UBXN4: variants seen among roughly 807,000 people sequenced by gnomAD.
The protein encoded by UBXN4 is UBX domain protein 4.
UBXN4 carries 35 observed loss-of-function variants against 66.2 expected under a neutral mutation model. The observed-to-expected ratio is 0.53, with a 90% CI of 0.40 to 0.70. UBXN4 has a LOEUF of 0.70. Ranked by LOEUF, UBXN4 falls within the 30% of genes least tolerant of loss-of-function variation. The pLI, the probability that UBXN4 is intolerant of heterozygous loss-of-function variation, is 0.00. For missense variants in UBXN4, 533 were observed against 599.8 expected, an observed-to-expected ratio of 0.89 and a Z score of 1.16; for synonymous variants, 203 against 204.5, an observed-to-expected ratio of 0.99 and a Z score of 0.06.
At chr2:135,750,829 G>C (rs1263615186) in intron 2 of UBXN4, among the ~76,000 whole-genome samples, 1 of 131,482 alleles carries the variant, frequency 7.6e-6, no homozygotes, top group African/African-American at 3.0e-5. Flanking sequence ...AGACTGATGT[G>C]TCTGGCTTTT....
At chr2:135,772,692 C>T (rs1272352567) in intron 9 of UBXN4, 145 bp downstream of exon 9, 16 of 1,065,402 alleles carry the variant, frequency 1.5e-5, no homozygotes, top group Non-Finnish European at 2.1e-5. Context: ...CCAATGGTAT[C>T]TCTCATTTCG....
At position 135,778,938 on chromosome 2, in the gene UBXN4, T is replaced by C; in HGVS notation, c.1054-10T>C. The stretch of plus-strand genomic sequence containing the variant: ...AGGCACTCTTTAAGTTTTTAAAACT[T>C]ATTTTACAGACTGTTGGCAACACTT... On this transcript the variant is annotated splice_polypyrimidine_tract_variant and intron_variant, in intron 10 of 12. Transcript: ENST00000272638. The C allele has an allele frequency of 6.3e-7, 1 of 1,597,170 alleles. No homozygotes were observed. Among genetic ancestry groups the C allele is most frequent in the Non-Finnish European group, 8.5e-7 (1 of 1,173,262 alleles).
chr2:135,770,112 CA>C (rs2077374057), intron 7 of UBXN4, among the ~76,000 whole-genome samples: 1 of 152,044 alleles, frequency 6.6e-6, no homozygotes, highest in South Asian at 2.1e-4. Flanking sequence ...TGAGGTTGAA[CA>C]AAGTTTTAGT....
intron 2 of UBXN4, among the ~76,000 whole-genome samples, chr2:135,751,699 G>T (rs1271826250): frequency 6.6e-6 from 1 of 151,650 alleles, no homozygotes; most frequent in Non-Finnish European, 1.5e-5. Context: ...ATTGAAAATA[G>T]ATTAGTAGGA....
At chr2:135,779,795 A>T (rs1045528975) in intron 11 of UBXN4, among the ~76,000 whole-genome samples, 25 of 148,558 alleles carry the variant, frequency 1.7e-4, no homozygotes, top group African/African-American at 5.6e-4. Flanking sequence ...TATAACATAA[A>T]ATTACAATTG....
rs1247967657 is a variant in UBXN4, at chr2:135,754,143, T to C, written c.215-16T>C. 1 of 1,572,366 alleles carries C rather than the reference T, an allele frequency of 6.4e-7. No homozygotes were observed. The highest frequency in any genetic ancestry group is 8.7e-7 in the Non-Finnish European group (1 of 1,151,116). On this transcript the variant is annotated splice_polypyrimidine_tract_variant and intron_variant, in intron 3 of 12. Transcript: ENST00000272638. ...TTCGTTTCACATGAATTGTTAGACT[T>C]CATTAAACTGTACAGATCCTGTAGT...
intron 5 of UBXN4, among the ~76,000 whole-genome samples, chr2:135,759,507 A>G (rs1226139794): frequency 2.6e-5 from 4 of 152,140 alleles, no homozygotes; most frequent in Non-Finnish European, 4.4e-5. Context: ...CTGCATCCCC[A>G]TGGAATTGTG....
At chr2:135,753,949 A>G (rs1403995676) in intron 3 of UBXN4, 1 of 501,260 alleles carries the variant, frequency 2.0e-6, no homozygotes, top group Non-Finnish European at 3.5e-6. Context: ...AGAATGTAGT[A>G]GATTCTTCAC....
intron 4 of UBXN4, 48 bp from the exon 5 acceptor site, chr2:135,755,469 G>C (rs1205571711): frequency 1.2e-5 from 17 of 1,432,632 alleles, no homozygotes; most frequent in Non-Finnish European, 1.5e-5. Context: ...GCCATGGTAA[G>C]TTTAGATTCT....
intron 5 of UBXN4, among the ~76,000 whole-genome samples, chr2:135,755,936 G>A (rs183647603): frequency 1.3e-5 from 2 of 152,170 alleles, no homozygotes; most frequent in East Asian, 3.9e-4. Context: ...TTCTGCTATT[G>A]CGCTGCATGC....
chr2:135,751,803 A>T (rs745821183), intron 2 of UBXN4, among the ~76,000 whole-genome samples: 24 of 151,740 alleles, frequency 1.6e-4, no homozygotes, highest in Non-Finnish European at 2.4e-4. Context: ...TGTTTTTATG[A>T]TAATAATGCT....
intron 9 of UBXN4, among the ~76,000 whole-genome samples, chr2:135,773,835 A>G (rs934698306): frequency 4.6e-5 from 7 of 152,234 alleles, no homozygotes; most frequent in Admixed American, 4.6e-4. Flanking sequence ...ACAAAAATGT[A>G]AGATTTGTGT....
chr2:135,748,201 C>T (rs1179118201), intron 1 of UBXN4, 66 bp from the exon 2 acceptor site: 19 of 1,263,944 alleles, frequency 1.5e-5, no homozygotes, highest in Non-Finnish European at 2.1e-5. Flanking sequence ...TTCCGTTTTC[C>T]AGGGGAAAAG....
intron 1 of UBXN4, chr2:135,742,739 T>C (rs2077184043): frequency 6.6e-6 from 1 of 152,142 alleles, no homozygotes; most frequent in Non-Finnish European, 1.5e-5. Flanking sequence ...ACGTAAACTT[T>C]TGAGCTGAAT....
At chr2:135,776,382 T>G in intron 10 of UBXN4, 31 bp downstream of exon 10, 1 of 1,568,190 alleles carries the variant, frequency 6.4e-7, no homozygotes, top group Non-Finnish European at 8.7e-7. Flanking sequence ...GTAGTAAAAA[T>G]AGATGTGTAG....
chr2:135,745,859 A>C (rs985862324), intron 1 of UBXN4, among the ~76,000 whole-genome samples: 2 of 119,876 alleles, frequency 1.7e-5, no homozygotes, highest in Non-Finnish European at 3.5e-5. Flanking sequence ...CTGTGGATGC[A>C]TTCTAGTCCC....
At chr2:135,750,752 G>A (rs971119965) in intron 2 of UBXN4, among the ~76,000 whole-genome samples, 7 of 146,628 alleles carry the variant, frequency 4.8e-5, no homozygotes, top group Non-Finnish European at 8.9e-5. Flanking sequence ...GCAGTGGCAA[G>A]AAGAATATAG....
In UBXN4 at chr2:135,761,799, T is replaced by A; in HGVS notation, c.509-19T>A. The A allele has an allele frequency of 6.4e-7, 1 of 1,574,532 alleles. No individual in the cohort carries two copies. The highest frequency in any genetic ancestry group is 8.6e-7 in the Non-Finnish European group (1 of 1,163,916). On this transcript the variant is annotated intron_variant, in intron 5 of 12. Transcript: ENST00000272638. ...GCATTAAATGCAGTATTCTTATTTC[T>A]TTTTATTTAATAATTAAGGAGGAGA...
chr2:135,754,455 T>C (rs1462896204), intron 4 of UBXN4, among the ~76,000 whole-genome samples, 178 bp downstream of exon 4: 1 of 152,038 alleles, frequency 6.6e-6, no homozygotes, highest in Non-Finnish European at 1.5e-5. Context: ...CCCAAGTAGC[T>C]GGGATTACAG....
Sources: allele counts gnomAD v4.1 joint callset (sites outside exome capture counted in the v4.1 genomes callset), GRCh38; gene constraint gnomAD v4.1.1; transcripts MANE v1.5; gene names NCBI Gene and HGNC (gene_info 2026-07-23, HGNC 2026-07-21).